PLOD2: variants seen among roughly 807,000 people sequenced by gnomAD.
The protein encoded by PLOD2 is lysine hydroxylase 2.
In PLOD2, 65 loss-of-function variants were observed where a neutral mutation model predicts 101.0. The observed-to-expected ratio is 0.64, with a 90% CI of 0.53 to 0.79. The LOEUF (loss-of-function observed/expected upper bound fraction) is 0.79. Ranked by LOEUF, PLOD2 falls within the 30% of genes least tolerant of loss-of-function variation. The pLI is 0.00. For missense variants in PLOD2, 909 were observed against 914.6 expected (o/e 0.99, Z 0.08); for synonymous variants, 314 against 302.9 (o/e 1.04, Z -0.38).
chr3:146,157,687 T>A (rs2032367452), intron 1 of PLOD2, among the ~76,000 whole-genome samples: 1 of 152,232 alleles, frequency 6.6e-6, no homozygotes, highest in South Asian at 2.1e-4. Context: ...AATTTAATTT[T>A]CATTTCTTGT....
intron 3 of PLOD2, among the ~76,000 whole-genome samples, chr3:146,119,723 G>A (rs1183769162): frequency 4.6e-5 from 7 of 152,088 alleles, no homozygotes; most frequent in East Asian, 1.9e-4. Context: ...ATAGTTTGCT[G>A]AGAATGATGG....
intron 3 of PLOD2, among the ~76,000 whole-genome samples, chr3:146,113,545 C>A (rs1937747370): frequency 6.6e-6 from 1 of 152,154 alleles, no homozygotes. Context: ...TTTATAATTT[C>A]TTATGCCTGT....
intron 1 of PLOD2, among the ~76,000 whole-genome samples, chr3:146,138,379 G>T (rs1474015660): frequency 6.6e-6 from 1 of 152,072 alleles, no homozygotes. Context: ...AACTTTCAGG[G>T]CTAAAGATAA....
chr3:146,118,973 T>C (rs910818740), intron 3 of PLOD2, among the ~76,000 whole-genome samples: 3 of 152,186 alleles, frequency 2.0e-5, no homozygotes, highest in Non-Finnish European at 4.4e-5. Flanking sequence ...TGGTAATTCA[T>C]CATCTTTAAT....
chr3:146,081,465 C>T (rs1331090717), intron 12 of PLOD2, among the ~76,000 whole-genome samples: 4 of 152,134 alleles, frequency 2.6e-5, no homozygotes, highest in African/African-American at 9.7e-5. Context: ...ACTCTTCTAT[C>T]AACCATAATG....
At chr3:146,121,717 A>G (rs543120287) in intron 2 of PLOD2, among the ~76,000 whole-genome samples, 1 of 152,320 alleles carries the variant, frequency 6.6e-6, no homozygotes, top group South Asian at 2.1e-4. Flanking sequence ...GAGGGCATCA[A>G]GAAAAAAATC....
At chr3:146,127,543 A>T (rs2030643728) in intron 1 of PLOD2, among the ~76,000 whole-genome samples, 1 of 151,936 alleles carries the variant, frequency 6.6e-6, no homozygotes, top group South Asian at 2.1e-4. Context: ...CATCGTATAT[A>T]TATATATCAC....
At chr3:146,113,729 G>A (rs1267546134) in intron 3 of PLOD2, among the ~76,000 whole-genome samples, 2 of 152,122 alleles carry the variant, frequency 1.3e-5, no homozygotes, top group African/African-American at 4.8e-5. Context: ...TGCATTAACT[G>A]TGCAAATCGT....
intron 2 of PLOD2, among the ~76,000 whole-genome samples, chr3:146,122,482 G>A (rs1352903360): frequency 6.6e-6 from 1 of 152,170 alleles, no homozygotes; most frequent in Non-Finnish European, 1.5e-5. Flanking sequence ...TCAAATTTCA[G>A]TGTGCATCTG....
intron 1 of PLOD2, among the ~76,000 whole-genome samples, chr3:146,158,023 T>C (rs1490694811): frequency 1.3e-5 from 2 of 152,188 alleles, no homozygotes; most frequent in East Asian, 3.8e-4. Flanking sequence ...ATTTCCTTTG[T>C]TTTTGCCCAA....
intron 13 of PLOD2, 85 bp from the exon 14 acceptor site, chr3:146,078,009 G>T: frequency 1.2e-6 from 1 of 814,776 alleles, no homozygotes; most frequent in Non-Finnish European, 2.2e-6. Context: ...AATAGCAGCT[G>T]TTGATCAAAA....
At chr3:146,100,684 G>C (rs1937354997) in intron 7 of PLOD2, among the ~76,000 whole-genome samples, 2 of 152,168 alleles carry the variant, frequency 1.3e-5, no homozygotes, top group African/African-American at 2.4e-5. Context: ...CGGAGAGGGA[G>C]AAAGGAGAAG....
At chr3:146,096,873 A>ACGG (rs1234344071) in intron 7 of PLOD2, among the ~76,000 whole-genome samples, 6 of 22,978 alleles carry the variant, frequency 2.6e-4, no homozygotes, top group Non-Finnish European at 2.5e-4. Context: ...CCCGTCCGGG[A>ACGG]GGGAGGTGGG....
intron 4 of PLOD2, among the ~76,000 whole-genome samples, chr3:146,109,662 T>A (rs1937593669): frequency 1.3e-5 from 2 of 152,210 alleles, no homozygotes; most frequent in South Asian, 4.1e-4. Flanking sequence ...AAAAATAAAT[T>A]TGTAGCCATT....
At chr3:146,096,698 G>T (rs1283396068) in intron 7 of PLOD2, among the ~76,000 whole-genome samples, 8 of 143,534 alleles carry the variant, frequency 5.6e-5, no homozygotes, top group Non-Finnish European at 1.2e-4. Context: ...CAACCACCCT[G>T]TCTGGGAAGT....
At chr3:146,077,447 T>A (rs79464676) in intron 14 of PLOD2, 2,450 of 168,200 alleles carry the variant, frequency 0.015, 68 homozygotes, top group African/African-American at 0.056. Context: ...CAAACACCAC[T>A]AGGTAATGTG....
In PLOD2 at chr3:146,078,327, A is replaced by AAAAC. The variant is rs146626208; in HGVS notation, c.1501-407_1501-404dup. 7.6e-3 allele frequency among the ~76,000 whole-genome samples: 1,163 copies of AAAAC among 152,032 alleles called. 19 individuals carry two copies. The highest frequency in any genetic ancestry group is 7.5e-3 in the Non-Finnish European group (508 of 67,854). ...TAATAATGCACACAGGTTTGTAGAG[A>AAAAC]AAACAAACATATTCAAACAATACAT... On this transcript the variant is annotated intron_variant, in intron 13 of 19. Coordinates refer to ENST00000282903, the MANE Select transcript of PLOD2 (RefSeq NM_182943.3).
intron 1 of PLOD2, among the ~76,000 whole-genome samples, chr3:146,124,941 T>C (rs950610655): frequency 6.6e-6 from 1 of 152,130 alleles, no homozygotes; most frequent in Non-Finnish European, 1.5e-5. Flanking sequence ...CACTTCTTTT[T>C]AGTAAAATTA....
chr3:146,132,444 G>A (rs1408830878), intron 1 of PLOD2, among the ~76,000 whole-genome samples: 1 of 152,050 alleles, frequency 6.6e-6, no homozygotes, highest in Non-Finnish European at 1.5e-5. Context: ...TAGAAGGATA[G>A]ATCAAGACTT....
Sources: gnomAD v4.1 joint callset for allele counts (sites outside exome capture counted in the v4.1 genomes callset) on GRCh38, gnomAD v4.1.1 for gene constraint, MANE v1.5 for transcripts, NCBI Gene and HGNC (gene_info 2026-07-23, HGNC 2026-07-21) for gene names.